Variants in RIC3 observed in about 807,000 individuals in gnomAD.
RIC3 encodes RIC3 acetylcholine receptor chaperone.
A neutral mutation model predicts 27.3 loss-of-function variants in RIC3; 28 were observed. That is an observed-to-expected ratio of 1.02 (90% confidence interval 0.76 to 1.41). The LOEUF is 1.41. RIC3 is among the 40% of genes most tolerant of loss of function. RIC3 has a pLI of 0.00. For missense variants in RIC3, 501 were observed against 444.7 expected (o/e 1.13, Z -1.14); for synonymous variants, 184 against 160.4 (o/e 1.15, Z -1.11).
intron 4 of RIC3, among the ~76,000 whole-genome samples, chr11:8,130,247 G>C (rs751346743): frequency 2.6e-5 from 4 of 151,422 alleles, no homozygotes; most frequent in Non-Finnish European, 5.9e-5. Context: ...TGCAGGGATT[G>C]ATTCAGGGAT....
At chr11:8,148,221 T>C (rs1036464660) in intron 1 of RIC3, among the ~76,000 whole-genome samples, 5 of 152,052 alleles carry the variant, frequency 3.3e-5, no homozygotes, top group African/African-American at 1.2e-4. Context: ...ATGCTTCTTT[T>C]AGAGACTGGG....
At chr11:8,138,160 T>C in intron 3 of RIC3, 112 bp downstream of exon 3, 1 of 714,194 alleles carries the variant, frequency 1.4e-6, no homozygotes, top group Non-Finnish European at 2.3e-6. Flanking sequence ...ATCAGATTAA[T>C]TTGGAGCAAC....
At chr11:8,168,750 C>CA in intron 1 of RIC3, 116 bp downstream of exon 1, 1 of 1,411,560 alleles carries the variant, frequency 7.1e-7, no homozygotes, top group Non-Finnish European at 9.4e-7. Context: ...CCTCTCCAGT[C>CA]AGTTTGGTGG....
Position 8,138,364 on chromosome 11 carries a change from G to A in RIC3, c.352-17C>T. 1 of 1,554,132 alleles carries A rather than the reference G, an allele frequency of 6.4e-7. No individual in the cohort carries two copies. The highest frequency in any genetic ancestry group is 8.9e-7 in the Non-Finnish European group (1 of 1,126,262). On this transcript the variant is annotated splice_polypyrimidine_tract_variant and intron_variant, in intron 2 of 5. Coordinates refer to ENST00000309737, the MANE Select transcript of RIC3 (RefSeq NM_001206671.4). Reference sequence around the variant, plus strand: ...CTTTGAGAGCTGAGAATTGAAGGAGGTATAGCACATCAACAGCAGCTCAGA... The same window carrying A: ...CTTTGAGAGCTGAGAATTGAAGGAGATATAGCACATCAACAGCAGCTCAGA...
In RIC3 at chr11:8,145,406, T is replaced by G. The variant is rs576885927; in HGVS notation, c.125-5213A>C. On this transcript the variant is annotated intron_variant, in intron 1 of 5. Coordinates refer to ENST00000309737, the MANE Select transcript of RIC3 (RefSeq NM_001206671.4). ...GCAGACCATTTCTCTAGCTCCTTTG[T>G]GCACACAGGGGAAGATGGTCGCCCC... 5.9e-5 allele frequency among the ~76,000 whole-genome samples: 9 copies of G among 152,254 alleles called. No homozygotes were observed. The South Asian group carries it at 1.9e-3, about 32-fold the overall frequency.
intron 1 of RIC3, among the ~76,000 whole-genome samples, chr11:8,164,754 T>G (rs1332121214): frequency 7.6e-6 from 1 of 130,838 alleles, no homozygotes; most frequent in Non-Finnish European, 1.5e-5. Context: ...TTCCAGCCTG[T>G]GCACCAGAGT....
the RIC3 span, among the ~76,000 whole-genome samples, chr11:8,095,954 G>A: frequency 6.6e-6 from 1 of 152,232 alleles, no homozygotes; most frequent in Non-Finnish European, 1.5e-5. Flanking sequence ...AGCAGGGCCA[G>A]GATACCAAGA....
chr11:8,168,206 A>G (rs1565153533), intron 1 of RIC3, among the ~76,000 whole-genome samples: 1 of 152,202 alleles, frequency 6.6e-6, no homozygotes, highest in Admixed American at 6.5e-5. Context: ...CAGTGCAGCT[A>G]AGAGGATGAA....
chr11:8,104,272 AGCTTCTCTGTAACC>A (rs893287521), downstream of RIC3: 5 of 152,236 alleles, frequency 3.3e-5, no homozygotes, highest in Admixed American at 2.0e-4. Context: ...GAGTTTAGGC[AGCTTCTCTGTAACC>A]GCTTCTGGGG....
At chr11:8,148,743 C>A (rs1215969784) in intron 1 of RIC3, among the ~76,000 whole-genome samples, 1 of 152,090 alleles carries the variant, frequency 6.6e-6, no homozygotes, top group Admixed American at 6.6e-5. Context: ...ATAGTTCCCA[C>A]ATGGAACAAT....
rs143615070 is a variant in RIC3, at chr11:8,152,202, G to A, written c.125-12009C>T. Among the ~76,000 whole-genome samples, 973 of 152,232 alleles carry A rather than the reference G, an allele frequency of 6.4e-3. 22 individuals carry two copies. The highest frequency in any genetic ancestry group is 0.051 in the Admixed American group (780 of 15,280). On this transcript the variant is annotated intron_variant, in intron 1 of 5. Coordinates refer to ENST00000309737, the MANE Select transcript of RIC3 (RefSeq NM_001206671.4). ...AAACAGTCTGGCAGTTTCTCAAAAG[G>A]TTAAACATAGAGGACCATGTGACCC...
intron 1 of RIC3, among the ~76,000 whole-genome samples, chr11:8,143,055 AC>A (rs1949246682): frequency 9.2e-6 from 1 of 108,798 alleles, no homozygotes; most frequent in Admixed American, 9.4e-5. Context: ...TCTATGACAA[AC>A]CCATAGCCAA....
At position 8,110,867 on chromosome 11, in the gene RIC3, G is replaced by T. The variant is rs1437451158; in HGVS notation, c.941C>A (p.Ala314Asp). ...SCCFHEDEDP[A>D]VLAENAGFSA... ...GAATCCAGCATTCTCTGCCAAGACAGCAGGATCCTCGTCTTCATGAAAACA... is the reference window on the plus strand; with the variant it reads ...GAATCCAGCATTCTCTGCCAAGACATCAGGATCCTCGTCTTCATGAAAACA... Residue 314 changes from alanine (A) to aspartate (D), a missense_variant, in exon 6 of 6, where the codon GCT (alanine) becomes GAT (aspartate). Ala to Asp is a moderately radical substitution (Grantham distance 126). Transcript: ENST00000309737. 2 of 1,614,104 alleles carry T rather than the reference G, an allele frequency of 1.2e-6. No homozygotes were observed. The highest frequency in any genetic ancestry group is 2.7e-5 in the African/African-American group (2 of 74,918).
chr11:8,117,197 T>C (rs1038608771), intron 5 of RIC3, among the ~76,000 whole-genome samples: 1 of 152,190 alleles, frequency 6.6e-6, no homozygotes, highest in Non-Finnish European at 1.5e-5. Context: ...GCCTCCCAAG[T>C]TGCTGGGACT....
intron 1 of RIC3, among the ~76,000 whole-genome samples, chr11:8,167,490 C>T (rs1302441966): frequency 1.3e-5 from 2 of 152,042 alleles, no homozygotes; most frequent in African/African-American, 4.8e-5. Context: ...TACAAAGATC[C>T]TAACATGAGA....
downstream of RIC3, chr11:8,101,085 T>C (rs1005591663): frequency 4.1e-6 from 6 of 1,459,202 alleles, no homozygotes; most frequent in African/African-American, 4.2e-5. Context: ...CTGCCTACAC[T>C]GGCTAGAGTT....
At chr11:8,137,318 C>G (rs1241312309) in intron 4 of RIC3, 60 bp downstream of exon 4, 1 of 1,513,814 alleles carries the variant, frequency 6.6e-7, no homozygotes, top group Non-Finnish European at 9.1e-7. Context: ...GCCACTGCAC[C>G]CAGCCTGAAT....
intron 1 of RIC3, among the ~76,000 whole-genome samples, chr11:8,161,895 C>G (rs1951194884): frequency 6.8e-6 from 1 of 147,508 alleles, no homozygotes; most frequent in African/African-American, 2.5e-5. Flanking sequence ...GAAACTGTTG[C>G]TATAAATGAG....
downstream of RIC3, chr11:8,101,856 G>GATACTGCAA: frequency 2.1e-6 from 1 of 482,862 alleles, no homozygotes; most frequent in South Asian, 3.7e-5. Flanking sequence ...TTCTTTCCAT[G>GATACTGCAA]CCACGAGATC....
Sources: gnomAD v4.1 joint callset for allele counts (sites outside exome capture counted in the v4.1 genomes callset) on GRCh38, gnomAD v4.1.1 for gene constraint, MANE v1.5 for transcripts, NCBI Gene and HGNC (gene_info 2026-07-23, HGNC 2026-07-21) for gene names.